The following F9 variants were observed in gnomAD, a reference collection of about 807,000 sequenced individuals.
F9 encodes coagulation factor IX.
F9 carries 2 observed loss-of-function variants against 34.1 expected under a neutral mutation model. The observed-to-expected ratio is 0.06, with a 90% confidence interval of 0.02 to 0.18. F9 has a LOEUF of 0.18. F9 is among the 10% of genes least tolerant of loss of function. F9 has a pLI of 1.00. For missense variants in F9, 216 were observed against 345.1 expected (o/e 0.63, Z 2.96); for synonymous variants, 137 against 118.8 (o/e 1.15, Z -1.00).
chrX:139,551,411 C>A (rs1927840901), intron 6 of F9, 147 bp downstream of exon 6: 1 of 538,271 alleles, frequency 1.9e-6, no homozygotes, highest in African/African-American at 2.3e-5. Context: ...GTGAGAAGGC[C>A]TCCAGAGATG....
Position 139,541,198 on chromosome X carries a change from C to T in F9, c.391+9C>T. On this transcript the variant is annotated intron_variant, in intron 4 of 7. Transcript: ENST00000218099. ...AAAGAACTGTGAATTAGGTAAGTAA[C>T]TATTTTTTGAATACTCATGGTTCAA... is the stretch of plus-strand genomic sequence containing the variant. 1 of 1,109,374 alleles carries T rather than the reference C, an allele frequency of 9.0e-7. No homozygotes were observed. Among genetic ancestry groups the T allele is most frequent in the East Asian group, 3.2e-5 (1 of 31,716 alleles). The allele number at this position is 1,109,374 out of a possible 1,213,427, so 91.4% of individuals were successfully genotyped here.
At chrX:139,547,052 G>A (rs1927733588) in intron 4 of F9, among the ~76,000 whole-genome samples, 1 of 111,208 alleles carries the variant, frequency 9.0e-6, no homozygotes, top group South Asian at 3.8e-4. Context: ...ACTACCAGAT[G>A]TCAAGACTTA....
rs758485616 is a variant in F9, at chrX:139,537,196, C to T, written c.252+23C>T. On this transcript the variant is annotated intron_variant, in intron 2 of 7. Coordinates refer to ENST00000218099, the MANE Select transcript of F9 (RefSeq NM_000133.4). ...ACAGTGAGTATTTCCACATAATACCCTTCAGATGCAGAGCATAGAATAGAA... is the reference window on the plus strand; with the variant it reads ...ACAGTGAGTATTTCCACATAATACCTTTCAGATGCAGAGCATAGAATAGAA... The T allele has an allele frequency of 3.3e-6, 4 of 1,200,020 alleles. No homozygotes were observed. The Admixed American group carries it at 6.5e-5, about 20-fold the overall frequency.
Position 139,560,826 on chromosome X carries a change from A to C in F9, c.809A>C (p.Glu270Ala), listed in dbSNP as rs780797258. 7 of 1,206,166 alleles carry C rather than the reference A, an allele frequency of 5.8e-6. No individual in the cohort carries two copies. The South Asian group carries it at 1.2e-4, about 21-fold the overall frequency. ...ATTGTAACTGCTGCCCACTGTGTTG[A>C]AACTGGTGTTAAAATTACAGTTGTC... ...KWIVTAAHCVETGVKITVVAG... is the reference protein window; with the variant it reads ...KWIVTAAHCVATGVKITVVAG... Residue 270 changes from glutamate (E) to alanine (A), a missense_variant, in exon 7 of 8, where the codon GAA becomes GCA. Physicochemically the swap from Glu to Ala is moderately radical, Grantham distance 107. This residue lies in a region of F9 where 177 missense variants were observed against 311.8 expected (regional missense o/e 0.57). Coordinates refer to ENST00000218099, the MANE Select transcript of F9 (RefSeq NM_000133.4).
In F9 at chrX:139,561,819, C is replaced by A; in HGVS notation, c.1134C>A (p.Asp378Glu). 8.3e-7 allele frequency: 1 copy of A among 1,211,705 alleles called. No individual in the cohort carries two copies. The highest frequency in any genetic ancestry group is 1.1e-6 in the Non-Finnish European group (1 of 895,481). The part of the protein sequence containing the change: ...VLQYLRVPLV[D>E]RATCLRSTKF... Reference sequence around the variant, plus strand: ...AGTACCTTAGAGTTCCACTTGTTGACCGAGCCACATGTCTTCGATCTACAA... The same window carrying A: ...AGTACCTTAGAGTTCCACTTGTTGAACGAGCCACATGTCTTCGATCTACAA... Residue 378 changes from aspartate (D) to glutamate (E), a missense_variant, in exon 8 of 8, where the codon GAC becomes GAA. Transcript: ENST00000218099.
At chrX:139,554,344 T>C (rs1927919336) in intron 6 of F9, among the ~76,000 whole-genome samples, 1 of 112,069 alleles carries the variant, frequency 8.9e-6, no homozygotes, top group South Asian at 3.7e-4. Flanking sequence ...ATTACTGATG[T>C]GTACAGATTC....
chrX:139,562,368 G>A lies in F9; in HGVS notation c.*297G>A. On this transcript the variant is annotated 3_prime_UTR_variant, in exon 8 of 8. Transcript: ENST00000218099. ...ATCAGATACTATGGTTCTCCACTAT[G>A]GCAACTAACTCACTCAATTTTCCCT... 3.4e-6 allele frequency: 1 copy of A among 294,943 alleles called. No homozygotes were observed. The highest frequency in any genetic ancestry group is 6.0e-6 in the Non-Finnish European group (1 of 166,213). The allele number at this position is 294,943 out of a possible 1,213,427, so 24.3% of individuals were successfully genotyped here.
intron 4 of F9, among the ~76,000 whole-genome samples, chrX:139,543,223 C>A (rs948284408): frequency 9.1e-6 from 1 of 110,261 alleles, no homozygotes; most frequent in African/African-American, 3.3e-5. Flanking sequence ...CCCTTCACTG[C>A]GAGAGAGAGG....
At chrX:139,561,019 C>G (rs917554590) in intron 7 of F9, among the ~76,000 whole-genome samples, 164 bp downstream of exon 7, 1 of 111,497 alleles carries the variant, frequency 9.0e-6, no homozygotes, top group Non-Finnish European at 1.9e-5. Context: ...TCCAAGCATC[C>G]ATAGTTCTTT....
chrX:139,563,243 CCTT>C lies in F9; in HGVS notation c.*1173_*1175del, dbSNP rs1057515804. 1 of 110,754 alleles carries C rather than the reference CCTT, an allele frequency of 9.0e-6. No homozygotes were observed. The highest frequency in any genetic ancestry group is 1.9e-5 in the Non-Finnish European group (1 of 53,007). The allele number at this position is 110,754 out of a possible 1,213,427, so 9.1% of individuals were successfully genotyped here. ...ACCAGAGGACATAAGTATCATGTCTCCTTTAACTAGCATACCCCGAAGTGGAGA... is the reference window on the plus strand; with the variant it reads ...ACCAGAGGACATAAGTATCATGTCTCTAACTAGCATACCCCGAAGTGGAGA... On this transcript the variant is annotated 3_prime_UTR_variant, in exon 8 of 8. Coordinates refer to ENST00000218099, the MANE Select transcript of F9 (RefSeq NM_000133.4).
Position 139,530,991 on chromosome X carries a change from G to GT in F9, c.88+140dup, listed in dbSNP as rs768652845. On this transcript the variant is annotated intron_variant, in intron 1 of 7. Transcript: ENST00000218099. The stretch of plus-strand genomic sequence containing the variant: ...AGTCTAACAGCCAGCACGCAGGTTG[G>GT]TAAGTACTGGTTCTTTGTTAGCTAG... 402 of 526,567 alleles carry GT rather than the reference G, an allele frequency of 7.6e-4. 1 individual carries two copies. The highest frequency in any genetic ancestry group is 1.2e-3 in the Non-Finnish European group (356 of 304,085). 43.4% of individuals were successfully genotyped at this position (526,567 alleles called of 1,213,427 possible).
chrX:139,543,280 T>G (rs966093133), intron 4 of F9, among the ~76,000 whole-genome samples: 6 of 111,328 alleles, frequency 5.4e-5, no homozygotes, highest in African/African-American at 2.0e-4. Context: ...ATTAATTGGC[T>G]ATTGGGTCCC....
intron 4 of F9, among the ~76,000 whole-genome samples, chrX:139,544,197 G>A (rs866309635): frequency 6.3e-5 from 7 of 111,715 alleles, no homozygotes; most frequent in African/African-American, 1.6e-4. Context: ...TGCACCTTTC[G>A]TAACTTATCA....
intron 6 of F9, among the ~76,000 whole-genome samples, chrX:139,556,537 G>A (rs1927971868): frequency 1.8e-5 from 2 of 111,552 alleles, no homozygotes; most frequent in Admixed American, 9.5e-5. Flanking sequence ...TTTTCCTTAG[G>A]GGCCAGGATG....
At chrX:139,532,178 C>T (rs893341888) in intron 1 of F9, among the ~76,000 whole-genome samples, 3 of 111,512 alleles carry the variant, frequency 2.7e-5, no homozygotes, top group African/African-American at 9.8e-5. Context: ...GTTAAGTATA[C>T]GATCCCCAGA....
In F9 at chrX:139,537,917, G is replaced by GT. The variant is rs1927522140; in HGVS notation, c.277+534dup. On this transcript the variant is annotated intron_variant, in intron 3 of 7. Transcript: ENST00000218099. The stretch of plus-strand genomic sequence containing the variant: ...CCCACTTTGGAGGCTTTATCTGGCT[G>GT]TTTCTCTTATTTGGCTGTTCCCAAC... Among the ~76,000 whole-genome samples, 3 of 111,052 alleles carry GT rather than the reference G, an allele frequency of 2.7e-5. No homozygotes were observed. In the Admixed American group the frequency reaches 2.9e-4, roughly 11 times the overall value.
chrX:139,536,117 CAT>C (rs756897171), intron 1 of F9, among the ~76,000 whole-genome samples: 256 of 103,120 alleles, frequency 2.5e-3, no homozygotes, highest in African/African-American at 7.0e-3. Flanking sequence ...ATGATTATCT[CAT>C]ATATATATAT....
chrX:139,541,215 A>C, intron 4 of F9, 26 bp downstream of exon 4: 231 of 1,032,449 alleles, frequency 2.2e-4, no homozygotes, highest in Non-Finnish European at 2.8e-4. Context: ...TTGAATACTC[A>C]TGGTTCAAAG....
chrX:139,559,203 A>G (rs1454931759), intron 6 of F9, among the ~76,000 whole-genome samples: 1 of 112,566 alleles, frequency 8.9e-6, no homozygotes, highest in Non-Finnish European at 1.9e-5. Flanking sequence ...TGTTTATTAT[A>G]TTATGTAGTT....
Sources: allele counts gnomAD v4.1 joint callset (sites outside exome capture counted in the v4.1 genomes callset), GRCh38; gene constraint gnomAD v4.1.1; regional missense constraint gnomAD v4.1.1; transcripts MANE v1.5; gene names NCBI Gene and HGNC (gene_info 2026-07-23, HGNC 2026-07-21).